The following COL18A1 variants were observed in gnomAD, a reference collection of about 807,000 sequenced individuals.
The protein encoded by COL18A1 is collagen alpha-1(XVIII) chain.
A neutral mutation model predicts 168.0 loss-of-function variants in COL18A1; 133 were observed. The observed-to-expected ratio is 0.79, with a 90% CI of 0.69 to 0.91. The LOEUF (loss-of-function observed/expected upper bound fraction) is 0.91, where lower values mean the gene tolerates loss of function less well. COL18A1 is among the 40% of genes least tolerant of loss of function. The pLI, the probability that COL18A1 is intolerant of heterozygous loss-of-function variation, is 0.00. For missense variants in COL18A1, 2,126 were observed against 1,925.4 expected (o/e 1.10, Z -1.95); for synonymous variants, 949 against 809.0 (o/e 1.17, Z -2.94).
intron 20 of COL18A1, 124 bp from the exon 21 acceptor site, chr21:45,490,712 C>G: frequency 1.9e-6 from 2 of 1,051,698 alleles, no homozygotes; most frequent in Admixed American, 2.1e-5. Flanking sequence ...GTGGCTGCCT[C>G]CCTCCCAGGC....
At chr21:45,429,742 G>A (rs2033902080) in intron 2 of COL18A1, among the ~76,000 whole-genome samples, 1 of 152,194 alleles carries the variant, frequency 6.6e-6, no homozygotes. Context: ...GTGAAAGCCA[G>A]TGTGTCCTCA....
chr21:45,489,615 C>CCGCT, intron 19 of COL18A1, 94 bp downstream of exon 19: 1 of 776,924 alleles, frequency 1.3e-6, no homozygotes, highest in Non-Finnish European at 2.0e-6. Context: ...GCGGCCTTCC[C>CCGCT]CGCTCTTCCT....
intron 2 of COL18A1, among the ~76,000 whole-genome samples, chr21:45,450,349 G>A (rs546290553): frequency 1.8e-3 from 272 of 152,310 alleles, no homozygotes; most frequent in Middle Eastern, 6.8e-3. Context: ...CAGGGTCGAG[G>A]TGTGGGAGAC....
At chr21:45,422,663 T>C in intron 2 of COL18A1, 1 of 330,810 alleles carries the variant, frequency 3.0e-6, no homozygotes, top group Non-Finnish European at 6.1e-6. Flanking sequence ...CCCAGCACCC[T>C]GCCAAGGAAA....
Position 45,488,454 on chromosome 21 carries a change from G to A in COL18A1, c.1923+10G>A, listed in dbSNP as rs761921056. On this transcript the variant is annotated intron_variant, in intron 18 of 41. Transcript: ENST00000651438. ...CCTGCCGGGACTTAAGGTCAGTGAC[G>A]GATATGTCTGGGTTTCTGTGGTTGC... The A allele has an allele frequency of 8.1e-6, 13 of 1,613,798 alleles. No individual in the cohort carries two copies. Among genetic ancestry groups the A allele is most frequent in the South Asian group, 7.7e-5 (7 of 91,086 alleles).
intron 2 of COL18A1, among the ~76,000 whole-genome samples, chr21:45,448,359 C>T (rs949709077): frequency 2.6e-5 from 4 of 152,244 alleles, no homozygotes; most frequent in African/African-American, 9.6e-5. Context: ...TGCACCTCCA[C>T]ATGCGTACAT....
intron 15 of COL18A1, 140 bp downstream of exon 15, chr21:45,482,961 G>A: frequency 4.0e-6 from 5 of 1,250,374 alleles, no homozygotes; most frequent in Non-Finnish European, 2.3e-6. Flanking sequence ...CCTGCCATCT[G>A]TCCATCCGTC....
At chr21:45,488,227 A>C (rs2036183018) in intron 17 of COL18A1, among the ~76,000 whole-genome samples, 191 bp from the exon 18 acceptor site, 1 of 152,260 alleles carries the variant, frequency 6.6e-6, no homozygotes, top group Non-Finnish European at 1.5e-5. Flanking sequence ...ACGAATGAGA[A>C]ATTTCAATTA....
intron 15 of COL18A1, among the ~76,000 whole-genome samples, chr21:45,484,920 T>C (rs1037049302): frequency 2.6e-5 from 4 of 152,150 alleles, no homozygotes; most frequent in Non-Finnish European, 5.9e-5. Context: ...TCAAGTAACA[T>C]GAATGAGAAT....
rs374929550 is a variant in COL18A1, at chr21:45,495,452, C to T, written c.2508+20C>T. ...ATGAGGGTGAGTGTCTCTCAAGGGG[C>T]GGACTGGGTGGCTGGGAGACCAGGA... On this transcript the variant is annotated intron_variant, in intron 29 of 41. Transcript: ENST00000651438. The T allele has an allele frequency of 6.9e-5, 110 of 1,589,798 alleles. No individual in the cohort carries two copies. Among genetic ancestry groups the T allele is most frequent in the Admixed American group, 2.1e-4 (12 of 57,550 alleles).
chr21:45,512,103 G>A (rs1436695064), intron 41 of COL18A1, 85 bp from the exon 42 acceptor site: 7 of 1,461,994 alleles, frequency 4.8e-6, no homozygotes, highest in African/African-American at 2.8e-5. Context: ...CTGGCCTCCT[G>A]CCTCCACCTT....
At chr21:45,475,844 C>T (rs530339686) in intron 5 of COL18A1, among the ~76,000 whole-genome samples, 20 of 152,380 alleles carry the variant, frequency 1.3e-4, no homozygotes, top group Admixed American at 3.3e-4. Flanking sequence ...CCCATCCCTC[C>T]GTTAGCTCGT....
intron 15 of COL18A1, among the ~76,000 whole-genome samples, chr21:45,483,522 T>C (rs1366092888): frequency 6.6e-6 from 1 of 151,416 alleles, no homozygotes; most frequent in Non-Finnish European, 1.5e-5. Context: ...GAGGAGGAGC[T>C]AGAACCCTGC....
intron 3 of COL18A1, among the ~76,000 whole-genome samples, chr21:45,472,193 C>T (rs114838846): frequency 0.026 from 3,926 of 151,474 alleles, 193 homozygotes; most frequent in African/African-American, 0.089. Flanking sequence ...ACCCCCCGCC[C>T]GGGCTGCCCC....
At chr21:45,444,163 C>T (rs1337714168) in intron 2 of COL18A1, among the ~76,000 whole-genome samples, 2 of 152,220 alleles carry the variant, frequency 1.3e-5, no homozygotes, top group East Asian at 1.9e-4. Flanking sequence ...GTGACACATT[C>T]GCTCCATGGT....
At chr21:45,505,596 G>A (rs1274296651) in intron 36 of COL18A1, among the ~76,000 whole-genome samples, 165 bp downstream of exon 36, 2 of 152,118 alleles carry the variant, frequency 1.3e-5, no homozygotes, top group African/African-American at 2.4e-5. Context: ...GGGGAATCAG[G>A]TGGACCCAGG....
chr21:45,427,338 G>T (rs971247375), intron 2 of COL18A1, among the ~76,000 whole-genome samples: 3 of 152,264 alleles, frequency 2.0e-5, no homozygotes, highest in African/African-American at 7.2e-5. Context: ...AATTCTTAAG[G>T]CTGGCATTGA....
At chr21:45,406,150 C>T (rs1446691125) in intron 2 of COL18A1, among the ~76,000 whole-genome samples, 1 of 152,204 alleles carries the variant, frequency 6.6e-6, no homozygotes, top group African/African-American at 2.4e-5. Flanking sequence ...GGACCCAGTT[C>T]CCCACCACCT....
chr21:45,481,854 C>G (rs1039438272), intron 13 of COL18A1, 109 bp from the exon 14 acceptor site: 1 of 801,114 alleles, frequency 1.2e-6, no homozygotes, highest in East Asian at 2.6e-5. Context: ...GGGGAACGTT[C>G]TGTGTCCTGC....
Sources: gnomAD v4.1 joint callset for allele counts (sites outside exome capture counted in the v4.1 genomes callset) on GRCh38, gnomAD v4.1.1 for gene constraint, MANE v1.5 for transcripts, NCBI Gene and HGNC (gene_info 2026-07-23, HGNC 2026-07-21) for gene names.